The following NEGR1 variants were observed in gnomAD, a reference collection of about 807,000 sequenced individuals.
NEGR1 encodes IgLON family member 4.
A neutral mutation model predicts 40.9 loss-of-function variants in NEGR1; 10 were observed. That is an observed-to-expected ratio of 0.24 (90% CI 0.15 to 0.42). The LOEUF is 0.42. NEGR1 is among the 10% of genes least tolerant of loss of function. NEGR1 has a pLI of 1.00. For synonymous variants in NEGR1, 185 were observed against 166.8 expected, an observed-to-expected ratio of 1.11 and a Z score of -0.84; for missense variants, 352 against 438.9, an observed-to-expected ratio of 0.80 and a Z score of 1.77.
intron 1 of NEGR1, among the ~76,000 whole-genome samples, chr1:72,023,695 A>C (rs1198926835): frequency 7.0e-6 from 1 of 142,462 alleles, no homozygotes; most frequent in Non-Finnish European, 1.6e-5. Flanking sequence ...AATTACTGAA[A>C]TAACAAATTA....
intron 1 of NEGR1, among the ~76,000 whole-genome samples, chr1:72,148,224 C>T (rs1650983354): frequency 1.3e-5 from 2 of 152,160 alleles, no homozygotes; most frequent in Non-Finnish European, 2.9e-5. Context: ...TTCCATACAT[C>T]CTTTGAAATC....
intron 3 of NEGR1, among the ~76,000 whole-genome samples, chr1:71,721,913 C>A (rs548962063): frequency 1.3e-5 from 2 of 151,964 alleles, no homozygotes; most frequent in South Asian, 2.1e-4. Flanking sequence ...ACAGTTAGTG[C>A]AAGTGAGTCC....
chr1:72,253,701 A>G (rs1346252647), intron 1 of NEGR1, among the ~76,000 whole-genome samples: 1 of 152,202 alleles, frequency 6.6e-6, no homozygotes, highest in Non-Finnish European at 1.5e-5. Context: ...ATAAGAAATA[A>G]AGTATAGGAA....
At position 72,156,755 on chromosome 1, in the gene NEGR1, C is replaced by T. The variant is rs116540670; in HGVS notation, c.176+125564G>A. On this transcript the variant is annotated intron_variant, in intron 1 of 6. Coordinates refer to ENST00000357731, the MANE Select transcript of NEGR1 (RefSeq NM_173808.3). ...TACATGGAAGGGGAAAAGTTTCACA[C>T]AAATACATAAATAAATTGATAAATG... Among the ~76,000 whole-genome samples, 1,350 of 152,218 alleles carry T rather than the reference C, an allele frequency of 8.9e-3. 23 individuals are homozygous for T. Among genetic ancestry groups the T allele is most frequent in the African/African-American group, 0.031 (1,285 of 41,528 alleles).
chr1:71,440,441 A>G (rs1306067404), intron 6 of NEGR1, among the ~76,000 whole-genome samples: 2 of 152,210 alleles, frequency 1.3e-5, no homozygotes, highest in African/African-American at 4.8e-5. Context: ...AATTCTACTA[A>G]TTTTCAAGAC....
chr1:71,759,596 C>CTTTTTTT (rs71074804), intron 3 of NEGR1, among the ~76,000 whole-genome samples: 1,460 of 31,990 alleles, frequency 0.046, 531 homozygotes, highest in East Asian at 0.089. Context: ...TGCGTCCAGG[C>CTTTTTTT]TTTTTTTTTT....
chr1:71,531,119 A>G (rs1309115618), intron 6 of NEGR1, among the ~76,000 whole-genome samples: 7 of 151,322 alleles, frequency 4.6e-5, no homozygotes. Context: ...TAAGAAGCCC[A>G]ACCATGGAAA....
chr1:71,952,191 G>A (rs1284789865), intron 1 of NEGR1, among the ~76,000 whole-genome samples: 1 of 151,944 alleles, frequency 6.6e-6, no homozygotes, highest in Non-Finnish European at 1.5e-5. Flanking sequence ...CGTGTCAAAA[G>A]ACAAGACAGG....
chr1:71,661,297 G>A (rs894497032), intron 4 of NEGR1, among the ~76,000 whole-genome samples: 1 of 152,176 alleles, frequency 6.6e-6, no homozygotes, highest in Non-Finnish European at 1.5e-5. Flanking sequence ...TGCTGGACAG[G>A]ATGTGGAGAA....
chr1:72,207,079 A>G (rs1653431521), intron 1 of NEGR1, among the ~76,000 whole-genome samples: 1 of 151,758 alleles, frequency 6.6e-6, no homozygotes, highest in South Asian at 2.1e-4. Flanking sequence ...AGGATGAAAA[A>G]AAAAAAAAGC....
intron 6 of NEGR1, among the ~76,000 whole-genome samples, chr1:71,446,898 A>G (rs1383145843): frequency 6.6e-6 from 1 of 152,230 alleles, no homozygotes; most frequent in African/African-American, 2.4e-5. Flanking sequence ...ACAATATTGT[A>G]ACATTATTTT....
intron 2 of NEGR1, among the ~76,000 whole-genome samples, chr1:71,914,280 T>G (rs149000004): frequency 6.6e-6 from 1 of 152,234 alleles, no homozygotes; most frequent in South Asian, 2.1e-4. Context: ...AGCTTCTCTA[T>G]AGACAGAATT....
At chr1:72,166,367 G>A (rs1162854687) in intron 1 of NEGR1, among the ~76,000 whole-genome samples, 1 of 152,068 alleles carries the variant, frequency 6.6e-6, no homozygotes, top group Non-Finnish European at 1.5e-5. Flanking sequence ...AAACTGTATG[G>A]AGGTTCCTCA....
chr1:71,712,473 A>T (rs1654131768), intron 3 of NEGR1, among the ~76,000 whole-genome samples: 1 of 152,160 alleles, frequency 6.6e-6, no homozygotes, highest in Non-Finnish European at 1.5e-5. Flanking sequence ...TCACTTTAAC[A>T]TCCTATTATA....
At chr1:71,970,058 C>T (rs1646242724) in intron 1 of NEGR1, among the ~76,000 whole-genome samples, 1 of 152,082 alleles carries the variant, frequency 6.6e-6, no homozygotes, top group Non-Finnish European at 1.5e-5. Context: ...ATTATGGGAG[C>T]CCATAGCAGG....
At chr1:72,150,229 T>A (rs1651071183) in intron 1 of NEGR1, among the ~76,000 whole-genome samples, 1 of 152,198 alleles carries the variant, frequency 6.6e-6, no homozygotes, top group Non-Finnish European at 1.5e-5. Flanking sequence ...TGAAGCACAG[T>A]CTTTCAAACT....
chr1:71,505,873 T>C (rs559100042), intron 6 of NEGR1, among the ~76,000 whole-genome samples: 1 of 152,264 alleles, frequency 6.6e-6, no homozygotes, highest in South Asian at 2.1e-4. Flanking sequence ...TCCTAATTTC[T>C]AGGTAGAGGA....
intron 6 of NEGR1, among the ~76,000 whole-genome samples, chr1:71,576,256 T>G (rs867704297): frequency 5.9e-4 from 90 of 151,950 alleles, no homozygotes; most frequent in Middle Eastern, 6.8e-3. Context: ...CTGTTTTGGG[T>G]TTTTTTTGTT....
intron 1 of NEGR1, among the ~76,000 whole-genome samples, chr1:72,275,323 G>A (rs1656011516): frequency 1.3e-5 from 2 of 151,872 alleles, no homozygotes; most frequent in African/African-American, 4.8e-5. Context: ...GATTATGACT[G>A]TAGAAAAATC....
Sources: gnomAD v4.1 joint callset for allele counts (sites outside exome capture counted in the v4.1 genomes callset) on GRCh38, gnomAD v4.1.1 for gene constraint, MANE v1.5 for transcripts, NCBI Gene and HGNC (gene_info 2026-07-23, HGNC 2026-07-21) for gene names.